The following GSG1L variants were observed in gnomAD, a reference collection of about 807,000 sequenced individuals.
GSG1L encodes the protein germ cell-specific gene 1-like protein.
A neutral mutation model predicts 42.1 loss-of-function variants in GSG1L; 24 were observed. The observed-to-expected ratio is 0.57, with a 90% CI of 0.41 to 0.80. The LOEUF is 0.80. Ranked by LOEUF, GSG1L falls within the 30% of genes least tolerant of loss-of-function variation. The probability of loss-of-function intolerance (pLI) is 0.00; values close to 1 mark genes in which losing one functional copy is unlikely to be tolerated. For missense variants in GSG1L, 445 were observed against 472.2 expected, an observed-to-expected ratio of 0.94 and a Z score of 0.53; for synonymous variants, 215 against 203.5, an observed-to-expected ratio of 1.06 and a Z score of -0.48.
chr16:27,946,656 A>G (rs199907639), intron 2 of GSG1L, among the ~76,000 whole-genome samples: 5 of 27,400 alleles, frequency 1.8e-4, no homozygotes, highest in South Asian at 2.3e-3. Context: ...AGAAAGAAAG[A>G]AAAGAAAGAA....
At chr16:27,959,341 G>A (rs906228263) in intron 2 of GSG1L, among the ~76,000 whole-genome samples, 10 of 150,972 alleles carry the variant, frequency 6.6e-5, no homozygotes, top group African/African-American at 2.2e-4. Context: ...GGTGGCGTGC[G>A]CCTGTAATCC....
intron 2 of GSG1L, among the ~76,000 whole-genome samples, chr16:27,933,089 G>A (rs1446499159): frequency 6.6e-6 from 1 of 151,772 alleles, no homozygotes; most frequent in East Asian, 1.9e-4. Context: ...GCAAAAGGGG[G>A]CACCTTTGTA....
intron 2 of GSG1L, among the ~76,000 whole-genome samples, chr16:27,934,616 G>C (rs1389582243): frequency 6.6e-6 from 1 of 151,826 alleles, no homozygotes; most frequent in Non-Finnish European, 1.5e-5. Context: ...ACGGAAGAGA[G>C]AGTGGAGAAG....
intron 3 of GSG1L, among the ~76,000 whole-genome samples, chr16:27,848,626 T>C (rs540000320): frequency 6.6e-6 from 1 of 152,218 alleles, no homozygotes; most frequent in African/African-American, 2.4e-5. Context: ...GCCAGACAAT[T>C]AGCATATAAA....
intron 1 of GSG1L, among the ~76,000 whole-genome samples, chr16:27,979,852 G>T (rs2085306492): frequency 6.9e-6 from 1 of 145,438 alleles, no homozygotes; most frequent in African/African-American, 2.6e-5. Context: ...AAGGAAGGAA[G>T]GAAAAGAGAA....
In GSG1L at chr16:27,928,584, T is replaced by G. The variant is rs74015163; in HGVS notation, c.397+34572A>C. ...AGTCTGTCTGGTTCATCAGTCTGTC[T>G]GGACACCAGGGAGAGGCTTCTAATT... On this transcript the variant is annotated intron_variant, in intron 2 of 6. Coordinates refer to ENST00000447459, the MANE Select transcript of GSG1L (RefSeq NM_001109763.2). 6.2e-4 allele frequency among the ~76,000 whole-genome samples: 94 copies of G among 152,344 alleles called. 1 individual carries two copies. Among genetic ancestry groups the G allele is most frequent in the African/African-American group, 2.1e-3 (87 of 41,582 alleles).
rs555468613 is a variant in GSG1L at position 28,027,389 on chromosome 16, C to T, written c.349+35687G>A. ...GAGTTATGGGAAAGCAGCTCTCTTC[C>T]CTCTAGGGTTGCAAGGCAGGTGGGG... On this transcript the variant is annotated intron_variant, in intron 1 of 6. Transcript: ENST00000447459. Among the ~76,000 whole-genome samples the T allele has an allele frequency of 6.2e-4, 95 of 152,252 alleles. No individual in the cohort carries two copies. In the Middle Eastern group the frequency reaches 0.01, roughly 16 times the overall value.
Position 27,818,729 on chromosome 16 carries a change from C to A in GSG1L, c.830+10060G>T, listed in dbSNP as rs192381536. ...TGACTGCAGGTAGTAAATTAAGATT[C>A]CATAACATCACGTAAAAAGGGTCAT... On this transcript the variant is annotated intron_variant, in intron 5 of 6. Transcript: ENST00000447459. 2.0e-5 allele frequency among the ~76,000 whole-genome samples: 3 copies of A among 151,974 alleles called. No homozygotes were observed. In the East Asian group the frequency reaches 5.8e-4, roughly 29 times the overall value.
intron 3 of GSG1L, among the ~76,000 whole-genome samples, chr16:27,880,219 C>G (rs2083936498): frequency 6.6e-6 from 1 of 152,240 alleles, no homozygotes; most frequent in African/African-American, 2.4e-5. Flanking sequence ...CCTCCCATGT[C>G]TTCCTGGCCA....
chr16:27,988,029 A>C (rs1271168057), intron 1 of GSG1L, among the ~76,000 whole-genome samples: 1 of 151,964 alleles, frequency 6.6e-6, no homozygotes, highest in Admixed American at 6.6e-5. Flanking sequence ...TCTTAAAGTC[A>C]TGTCATGTTA....
In GSG1L at chr16:27,788,094, CCT is replaced by C. The variant is rs1224596119; in HGVS notation, c.*3274_*3275del. The C allele has an allele frequency of 6.6e-6, 1 of 152,206 alleles. No individual in the cohort carries two copies. Among genetic ancestry groups the C allele is most frequent in the East Asian group, 1.9e-4 (1 of 5,206 alleles). 9.4% of individuals were successfully genotyped at this position (152,206 alleles called of 1,614,324 possible). ...AGCACAAACCTCCAGCTGGCTGTCC[CCT>C]GAGCCCCTGAGACTCAAGACATCTG... On this transcript the variant is annotated 3_prime_UTR_variant, in exon 7 of 7. Coordinates refer to ENST00000447459, the MANE Select transcript of GSG1L (RefSeq NM_001109763.2).
chr16:27,800,512 T>C (rs1362690148), intron 6 of GSG1L, among the ~76,000 whole-genome samples: 2 of 152,180 alleles, frequency 1.3e-5, no homozygotes, highest in Non-Finnish European at 2.9e-5. Context: ...TGCAGACACC[T>C]GGGCCATATG....
At chr16:27,940,524 TA>T (rs375235260) in intron 2 of GSG1L, among the ~76,000 whole-genome samples, 16,388 of 139,672 alleles carry the variant, frequency 0.12, 1,233 homozygotes, top group Non-Finnish European at 0.17. Flanking sequence ...TATGCAGCCA[TA>T]AAAAATGATG....
chr16:27,976,485 C>T (rs762239555), intron 1 of GSG1L, among the ~76,000 whole-genome samples: 19 of 152,114 alleles, frequency 1.2e-4, no homozygotes, highest in Non-Finnish European at 2.5e-4. Context: ...CTCACAAGAG[C>T]GGGGACCTAC....
chr16:27,923,985 G>A (rs1286326821), intron 2 of GSG1L, among the ~76,000 whole-genome samples: 2 of 151,964 alleles, frequency 1.3e-5, no homozygotes, highest in East Asian at 1.9e-4. Context: ...CTGGGCCTCA[G>A]TCTCCTCAAA....
At chr16:27,929,832 C>A (rs2084636440) in intron 2 of GSG1L, among the ~76,000 whole-genome samples, 1 of 152,128 alleles carries the variant, frequency 6.6e-6, no homozygotes. Flanking sequence ...GTGAGCAAAC[C>A]AGGAATGGGA....
At chr16:27,996,110 T>TCC (rs2085512251) in intron 1 of GSG1L, among the ~76,000 whole-genome samples, 1 of 152,010 alleles carries the variant, frequency 6.6e-6, no homozygotes, top group African/African-American at 2.4e-5. Flanking sequence ...CAGCGCCCTC[T>TCC]CTCTCTCTCT....
At chr16:27,910,300 A>G (rs923513696) in intron 2 of GSG1L, among the ~76,000 whole-genome samples, 24 of 152,028 alleles carry the variant, frequency 1.6e-4, no homozygotes, top group African/African-American at 5.8e-4. Flanking sequence ...TCTGGTCCAT[A>G]TTTGGGACAA....
Position 28,063,045 on chromosome 16 carries a change from G to T in GSG1L, c.349+31C>A. On this transcript the variant is annotated intron_variant, in intron 1 of 6. Coordinates refer to ENST00000447459, the MANE Select transcript of GSG1L (RefSeq NM_001109763.2). The surrounding 1 kb of genome is among the most constrained non-coding windows in gnomAD (Gnocchi z 5.8). ...GCCGCGCCGCCCCGGGGGAGCCGGA[G>T]CCGAGCTGGCCGCCGCCCGCGCGCA... is the stretch of plus-strand genomic sequence containing the variant. 2 of 1,383,340 alleles carry T rather than the reference G, an allele frequency of 1.4e-6. No individual in the cohort carries two copies. Among genetic ancestry groups the T allele is most frequent in the South Asian group, 1.5e-5 (1 of 68,038 alleles). 85.7% of individuals were successfully genotyped at this position (1,383,340 alleles called of 1,614,324 possible).
Sources: gnomAD v4.1 joint callset for allele counts (sites outside exome capture counted in the v4.1 genomes callset) on GRCh38, gnomAD v4.1.1 for gene constraint, Gnocchi (gnomAD v3.1) non-coding constraint, MANE v1.5 for transcripts, NCBI Gene and HGNC (gene_info 2026-07-23, HGNC 2026-07-21) for gene names.